RNF217: variants seen among roughly 807,000 people sequenced by gnomAD.
The protein encoded by RNF217 is ring finger protein 217.
RNF217 carries 31 observed loss-of-function variants against 57.8 expected under a neutral mutation model. That is an observed-to-expected ratio of 0.54 (90% CI 0.40 to 0.72). The LOEUF is 0.72. RNF217 is among the 30% of genes least tolerant of loss of function. The pLI is 0.00. For missense variants in RNF217, 696 were observed against 708.3 expected, an observed-to-expected ratio of 0.98 and a Z score of 0.20; for synonymous variants, 313 against 294.0, an observed-to-expected ratio of 1.06 and a Z score of -0.66.
At chr6:125,002,493 C>G (rs1216018009) in intron 1 of RNF217, among the ~76,000 whole-genome samples, 1 of 152,180 alleles carries the variant, frequency 6.6e-6, no homozygotes, top group Non-Finnish European at 1.5e-5. Flanking sequence ...CTTCTCTATG[C>G]TTTGTTTTGG....
rs1788694527 is a variant in RNF217 at position 125,084,022 on chromosome 6, T to C, written c.*1085T>C. On this transcript the variant is annotated 3_prime_UTR_variant, in exon 6 of 6. Transcript: ENST00000521654. ...TATTCTGCTAATTTTTTAACCAACT[T>C]GTAATTATAGATAATTCTGCTTTAG... The C allele has an allele frequency of 6.6e-6, 1 of 152,106 alleles. No homozygotes were observed. The highest frequency in any genetic ancestry group is 2.1e-4 in the South Asian group (1 of 4,834). The allele number at this position is 152,106 out of a possible 1,614,324, so 9.4% of individuals were successfully genotyped here.
At chr6:124,985,659 T>A (rs1244850534) in intron 1 of RNF217, among the ~76,000 whole-genome samples, 1 of 152,148 alleles carries the variant, frequency 6.6e-6, no homozygotes, top group African/African-American at 2.4e-5. Context: ...AGTGGAATTT[T>A]AAGGACACAT....
chr6:124,979,669 A>G (rs911694426), intron 1 of RNF217, among the ~76,000 whole-genome samples: 7 of 149,484 alleles, frequency 4.7e-5, no homozygotes, highest in African/African-American at 1.7e-4. Context: ...AGGGTCAGAT[A>G]GTATAGATCC....
intron 3 of RNF217, among the ~76,000 whole-genome samples, chr6:125,067,737 G>C (rs1328426789): frequency 6.6e-6 from 1 of 152,192 alleles, no homozygotes; most frequent in East Asian, 1.9e-4. Context: ...CAGTTACTAT[G>C]TGAGTCAGAA....
At chr6:124,973,097 A>ATTTTTAAAT (rs1783821760) in intron 1 of RNF217, among the ~76,000 whole-genome samples, 4 of 152,252 alleles carry the variant, frequency 2.6e-5, no homozygotes, top group African/African-American at 9.6e-5. Context: ...TTGAATAGAT[A>ATTTTTAAAT]GGCAAAGTGA....
chr6:125,007,390 C>T (rs1785230799), intron 1 of RNF217, among the ~76,000 whole-genome samples: 1 of 152,002 alleles, frequency 6.6e-6, no homozygotes, highest in Non-Finnish European at 1.5e-5. Context: ...GGATTATAGG[C>T]ATGCGCCACC....
At chr6:124,975,067 A>G (rs750968427) in intron 1 of RNF217, among the ~76,000 whole-genome samples, 1 of 152,188 alleles carries the variant, frequency 6.6e-6, no homozygotes, top group Non-Finnish European at 1.5e-5. Context: ...TTGCCTCAAT[A>G]ATATTCTCTA....
At chr6:125,025,732 TG>T (rs1198134274) in intron 1 of RNF217, among the ~76,000 whole-genome samples, 1 of 112,150 alleles carries the variant, frequency 8.9e-6, no homozygotes, top group East Asian at 2.5e-4. Context: ...AAGTTGAAGG[TG>T]TTCTAGGGAG....
At chr6:125,033,762 A>G (rs951525055) in intron 1 of RNF217, among the ~76,000 whole-genome samples, 2 of 151,992 alleles carry the variant, frequency 1.3e-5, no homozygotes, top group Non-Finnish European at 1.5e-5. Context: ...TCCCTGAGGA[A>G]TCGCCACACT....
rs531930377 is a variant in RNF217, at chr6:125,090,231, A to G, written c.*7294A>G. On this transcript the variant is annotated 3_prime_UTR_variant, in exon 6 of 6. Coordinates refer to ENST00000521654, the MANE Select transcript of RNF217 (RefSeq NM_001286398.3). ...AAGGACAATCTGTTACAGATTTTTAATATGAAAATTGACAATTTTGTTGCT... is the reference window on the plus strand; with the variant it reads ...AAGGACAATCTGTTACAGATTTTTAGTATGAAAATTGACAATTTTGTTGCT... The G allele has an allele frequency of 6.6e-6, 1 of 152,196 alleles. No individual in the cohort carries two copies. Among genetic ancestry groups the G allele is most frequent in the African/African-American group, 2.4e-5 (1 of 41,568 alleles). 9.4% of individuals were successfully genotyped at this position (152,196 alleles called of 1,614,324 possible).
chr6:124,992,157 TCA>T (rs1245914770), intron 1 of RNF217, among the ~76,000 whole-genome samples: 5 of 149,254 alleles, frequency 3.3e-5, no homozygotes, highest in African/African-American at 7.3e-5. Flanking sequence ...ACCTGCAGCA[TCA>T]CACTTTGAGT....
chr6:124,969,140 C>G (rs1004979768), intron 1 of RNF217, among the ~76,000 whole-genome samples: 10 of 152,210 alleles, frequency 6.6e-5, no homozygotes, highest in Middle Eastern at 3.4e-3. Context: ...TTTTATTAAT[C>G]TCATTTACTA....
rs1788853759 is a variant in RNF217 at position 125,088,858 on chromosome 6, G to A, written c.*5921G>A. 1 of 152,290 alleles carries A rather than the reference G, an allele frequency of 6.6e-6. No individual in the cohort carries two copies. The highest frequency in any genetic ancestry group is 2.1e-4 in the South Asian group (1 of 4,810). 9.4% of individuals were successfully genotyped at this position (152,290 alleles called of 1,614,324 possible). A position where few individuals can be genotyped will look rare whatever the true frequency, so the allele number is the denominator to read the frequency against. On this transcript the variant is annotated 3_prime_UTR_variant, in exon 6 of 6. Transcript: ENST00000521654. ...CTCTATTCCATTATTAATACTAAAT[G>A]ACTTTCCTTGTGAAATGATACCCAC...
intron 1 of RNF217, among the ~76,000 whole-genome samples, chr6:125,034,789 G>A (rs1406357870): frequency 6.6e-6 from 1 of 152,074 alleles, no homozygotes; most frequent in Non-Finnish European, 1.5e-5. Flanking sequence ...ACCTTGGGCA[G>A]TATGGCCATT....
chr6:125,029,315 T>G (rs1454477446), intron 1 of RNF217, among the ~76,000 whole-genome samples: 2 of 152,236 alleles, frequency 1.3e-5, no homozygotes, highest in African/African-American at 2.4e-5. Context: ...ATATATTCTT[T>G]TATTTTTTCA....
Position 125,085,499 on chromosome 6 carries a change from A to G in RNF217, c.*2562A>G, listed in dbSNP as rs2114667217. On this transcript the variant is annotated 3_prime_UTR_variant, in exon 6 of 6. Coordinates refer to ENST00000521654, the MANE Select transcript of RNF217 (RefSeq NM_001286398.3). ...GAGAAGAAAATAAAAAGTATTATTT[A>G]TATGTCAGTGCCAACTTTGAAGGTA... The G allele has an allele frequency of 6.6e-6, 1 of 152,060 alleles. No homozygotes were observed. The highest frequency in any genetic ancestry group is 2.4e-5 in the African/African-American group (1 of 41,560). The allele number at this position is 152,060 out of a possible 1,614,324, so 9.4% of individuals were successfully genotyped here.
At chr6:125,003,033 A>G (rs995453437) in intron 1 of RNF217, among the ~76,000 whole-genome samples, 21 of 152,188 alleles carry the variant, frequency 1.4e-4, no homozygotes, top group African/African-American at 5.1e-4. Flanking sequence ...ATTTAGTAAT[A>G]ATAGTGGTAG....
At chr6:125,038,035 A>G (rs1435502836) in intron 1 of RNF217, among the ~76,000 whole-genome samples, 1 of 152,130 alleles carries the variant, frequency 6.6e-6, no homozygotes, top group Non-Finnish European at 1.5e-5. Flanking sequence ...GGTCTTCATC[A>G]CCTGAGTCAT....
At chr6:124,966,265 TTG>T in intron 1 of RNF217, among the ~76,000 whole-genome samples, 1 of 152,338 alleles carries the variant, frequency 6.6e-6, no homozygotes, top group South Asian at 2.1e-4. Context: ...TACTCAAAGG[TTG>T]TGTTTCTCTG....
Sources: allele counts gnomAD v4.1 joint callset (sites outside exome capture counted in the v4.1 genomes callset), GRCh38; gene constraint gnomAD v4.1.1; transcripts MANE v1.5; gene names NCBI Gene and HGNC (gene_info 2026-07-23, HGNC 2026-07-21).